FRMD3: variants seen among roughly 807,000 people sequenced by gnomAD.
The protein encoded by FRMD3 is FERM domain containing 3, also known as FERM domain-containing protein 3.
A neutral mutation model predicts 70.2 loss-of-function variants in FRMD3; 33 were observed. The observed-to-expected ratio is 0.47, with a 90% CI of 0.36 to 0.63. The LOEUF is 0.63. Ranked by LOEUF, FRMD3 falls within the 20% of genes least tolerant of loss-of-function variation. FRMD3 has a pLI of 0.00. For missense variants in FRMD3, 632 were observed against 711.4 expected, an observed-to-expected ratio of 0.89 and a Z score of 1.27; for synonymous variants, 279 against 255.9, an observed-to-expected ratio of 1.09 and a Z score of -0.86.
chr9:83,309,878 C>T (rs558689758), intron 9 of FRMD3, among the ~76,000 whole-genome samples: 110 of 152,318 alleles, frequency 7.2e-4, no homozygotes, highest in African/African-American at 2.4e-3. Flanking sequence ...CTTCTCAACA[C>T]TCCAGGCATC....
At chr9:83,354,635 A>C (rs902740654) in intron 3 of FRMD3, among the ~76,000 whole-genome samples, 1 of 152,224 alleles carries the variant, frequency 6.6e-6, no homozygotes, top group Non-Finnish European at 1.5e-5. Flanking sequence ...CTGTGCATGT[A>C]AACCCTGAAT....
At chr9:83,492,974 A>G (rs1040232814) in intron 1 of FRMD3, among the ~76,000 whole-genome samples, 3 of 152,154 alleles carry the variant, frequency 2.0e-5, no homozygotes, top group Non-Finnish European at 4.4e-5. Flanking sequence ...CTCCAGGAAA[A>G]TGAAATACCA....
At chr9:83,421,559 G>A (rs1231318801) in intron 1 of FRMD3, among the ~76,000 whole-genome samples, 1 of 152,154 alleles carries the variant, frequency 6.6e-6, no homozygotes, top group East Asian at 1.9e-4. Context: ...AAAACCCATA[G>A]AAACCATGCA....
rs1367114462 is a variant in FRMD3 at position 83,349,862 on chromosome 9, T to TG, written c.296-106dup. Reference sequence around the variant, plus strand: ...CAGCCTGACAGACTAGCCTGGGGAGTGGGGGCCAGGAGGGGGTGATTGTTT... The same window carrying TG: ...CAGCCTGACAGACTAGCCTGGGGAGTGGGGGGCCAGGAGGGGGTGATTGTTT... On this transcript the variant is annotated intron_variant, in intron 3 of 13. Coordinates refer to ENST00000304195, the MANE Select transcript of FRMD3 (RefSeq NM_174938.6). The TG allele has an allele frequency of 4.0e-6, 3 of 743,536 alleles. No individual in the cohort carries two copies. The Admixed American group carries it at 7.0e-5, about 17-fold the overall frequency. 46.1% of individuals were successfully genotyped at this position (743,536 alleles called of 1,614,324 possible). A position where few individuals can be genotyped will look rare whatever the true frequency, so the allele number is the denominator to read the frequency against.
At chr9:83,407,882 C>T (rs1164239079) in intron 1 of FRMD3, among the ~76,000 whole-genome samples, 9 of 129,674 alleles carry the variant, frequency 6.9e-5, no homozygotes, top group South Asian at 4.5e-4. Flanking sequence ...TCATCTTTCT[C>T]TCTCTCTCTC....
the FRMD3 span, among the ~76,000 whole-genome samples, chr9:83,574,939 T>A: frequency 6.6e-6 from 1 of 152,178 alleles, no homozygotes; most frequent in Non-Finnish European, 1.5e-5. Flanking sequence ...CAGTCTCAGT[T>A]CACTGGGTAC....
chr9:83,377,006 T>G (rs1009645667), intron 2 of FRMD3, among the ~76,000 whole-genome samples: 5 of 152,316 alleles, frequency 3.3e-5, no homozygotes, highest in African/African-American at 1.2e-4. Context: ...AATTTATATG[T>G]ATAATGTCTT....
chr9:83,506,259 A>G (rs190869098), intron 1 of FRMD3, among the ~76,000 whole-genome samples: 1 of 152,354 alleles, frequency 6.6e-6, no homozygotes, highest in African/African-American at 2.4e-5. Flanking sequence ...AGCAACCTAA[A>G]TGTCTATCAA....
At chr9:83,514,661 T>C (rs117826184) in intron 1 of FRMD3, among the ~76,000 whole-genome samples, 512 of 152,318 alleles carry the variant, frequency 3.4e-3, no homozygotes, top group Non-Finnish European at 5.2e-3. Flanking sequence ...CCATGCCTAC[T>C]GATGGGGAGA....
At chr9:83,356,271 A>ATTTTTTTTTTT (rs869149609) in intron 3 of FRMD3, among the ~76,000 whole-genome samples, 2 of 94,462 alleles carry the variant, frequency 2.1e-5, no homozygotes, top group African/African-American at 4.6e-5. Context: ...ACTCAGCAGC[A>ATTTTTTTTTTT]TTTTTTTTTT....
chr9:83,315,507 G>C (rs574256866), intron 6 of FRMD3, among the ~76,000 whole-genome samples: 1 of 152,056 alleles, frequency 6.6e-6, no homozygotes, highest in African/African-American at 2.4e-5. Context: ...TGCTGTTCTC[G>C]GGATAGTGAG....
At chr9:83,375,851 T>G (rs887413247) in intron 2 of FRMD3, among the ~76,000 whole-genome samples, 1 of 152,100 alleles carries the variant, frequency 6.6e-6, no homozygotes, top group Non-Finnish European at 1.5e-5. Flanking sequence ...AACCTGCACA[T>G]GTACCCCTAA....
intron 13 of FRMD3, among the ~76,000 whole-genome samples, chr9:83,271,970 T>C (rs929515902): frequency 6.6e-6 from 1 of 152,214 alleles, no homozygotes; most frequent in Non-Finnish European, 1.5e-5. Flanking sequence ...GAGCACATCA[T>C]TCAAAGCAGT....
chr9:83,522,431 G>A (rs751178679), intron 1 of FRMD3, among the ~76,000 whole-genome samples: 15 of 152,088 alleles, frequency 9.9e-5, no homozygotes, highest in African/African-American at 2.4e-4. Flanking sequence ...AGAGCTGTGC[G>A]AGGCACAGGC....
the FRMD3 span, among the ~76,000 whole-genome samples, chr9:83,579,861 T>C: frequency 2.6e-5 from 4 of 152,130 alleles, no homozygotes; most frequent in South Asian, 2.1e-4. Flanking sequence ...TTTGCAACTA[T>C]GCAACTATAT....
chr9:83,508,274 C>A (rs1244556879), intron 1 of FRMD3, among the ~76,000 whole-genome samples: 1 of 152,112 alleles, frequency 6.6e-6, no homozygotes, highest in Non-Finnish European at 1.5e-5. Flanking sequence ...GAAGTGGTGC[C>A]TGTGAGGAGG....
At chr9:83,419,537 TGA>T (rs200881904) in intron 1 of FRMD3, among the ~76,000 whole-genome samples, 3,723 of 151,068 alleles carry the variant, frequency 0.025, 69 homozygotes, top group Non-Finnish European at 0.039. Context: ...TCATGTGTGC[TGA>T]GTGTGTGATA....
At chr9:83,300,526 T>C (rs954615201) in intron 10 of FRMD3, among the ~76,000 whole-genome samples, 11 of 152,182 alleles carry the variant, frequency 7.2e-5, no homozygotes, top group Non-Finnish European at 1.5e-4. Context: ...AGTGATATAA[T>C]GGACTTTATA....
At chr9:83,376,866 T>C (rs79816678) in intron 2 of FRMD3, among the ~76,000 whole-genome samples, 1,939 of 152,246 alleles carry the variant, frequency 0.013, 33 homozygotes, top group African/African-American at 0.044. Context: ...AAGTACCACA[T>C]AGAAATAGGT....
Sources: gnomAD v4.1 joint callset for allele counts (sites outside exome capture counted in the v4.1 genomes callset) on GRCh38, gnomAD v4.1.1 for gene constraint, MANE v1.5 for transcripts, NCBI Gene and HGNC (gene_info 2026-07-23, HGNC 2026-07-21) for gene names.